The following GRIP1 variants were observed in gnomAD, a reference collection of about 807,000 sequenced individuals.
GRIP1 encodes the protein glutamate receptor interacting protein 1, also known as glutamate receptor-interacting protein 1.
Under a neutral mutation model 129.9 loss-of-function variants are expected in GRIP1, and 45 were observed. The observed-to-expected ratio is 0.35, with a 90% CI of 0.27 to 0.44. GRIP1 has a LOEUF of 0.44. Ranked by LOEUF, GRIP1 falls within the 20% of genes least tolerant of loss-of-function variation. The probability of loss-of-function intolerance (pLI) is 1.00; values close to 1 mark genes in which losing one functional copy is unlikely to be tolerated. For synonymous variants in GRIP1, 530 were observed against 520.8 expected, an observed-to-expected ratio of 1.02 and a Z score of -0.24; for missense variants, 1,196 against 1,396.8, an observed-to-expected ratio of 0.86 and a Z score of 2.29.
chr12:66,413,783 G>C (rs958838654), intron 15 of GRIP1, among the ~76,000 whole-genome samples: 1 of 152,136 alleles, frequency 6.6e-6, no homozygotes, highest in Non-Finnish European at 1.5e-5. Context: ...GGGATGCAAG[G>C]TTGGTTCAAC....
intron 23 of GRIP1, among the ~76,000 whole-genome samples, chr12:66,364,265 C>CAAAAAAAAAAAAAAA (rs1159887365): frequency 1.2e-4 from 2 of 16,344 alleles, no homozygotes; most frequent in East Asian, 2.5e-3. Context: ...GACTCCATCT[C>CAAAAAAAAAAAAAAA]AAAAAAAAAA....
intron 15 of GRIP1, among the ~76,000 whole-genome samples, chr12:66,417,364 TC>T: frequency 6.6e-6 from 1 of 152,268 alleles, no homozygotes; most frequent in Middle Eastern, 3.4e-3. Context: ...TAAAAGCCAT[TC>T]CTCTAAGATC....
intron 15 of GRIP1, among the ~76,000 whole-genome samples, chr12:66,414,387 A>G (rs2137757582): frequency 6.6e-6 from 1 of 152,156 alleles, no homozygotes; most frequent in African/African-American, 2.4e-5. Flanking sequence ...TAGCTAATAA[A>G]GGAAGTGAAG....
Position 66,896,489 on chromosome 12 carries a change from A to AAAAACAAAAAAAAAAAC in GRIP1, c.58+172560_58+172561insGTTTTTTTTTTTGTTTT, listed in dbSNP as rs1555249927. On this transcript the variant is annotated intron_variant, in intron 1 of 1. Transcript: ENST00000643019. ...TACCTCTGAGGAATTTGAAAAAAAA[A>AAAAACAAAAAAAAAAAC]AAAAAAACTTTGGTGGGCCTGAATG... Among the ~76,000 whole-genome samples, 21 of 149,676 alleles carry AAAAACAAAAAAAAAAAC rather than the reference A, an allele frequency of 1.4e-4. 1 individual carries two copies. Among genetic ancestry groups the AAAAACAAAAAAAAAAAC allele is most frequent in the Middle Eastern group, 3.4e-3 (1 of 294 alleles).
At position 66,432,606 on chromosome 12, in the gene GRIP1, T is replaced by A; in HGVS notation, c.1710A>T (p.Gly570=). ...DVAESVIPSS[G]TFHVKLPKKH... ...TCTTAGGCAGCTTTACATGAAATGT[T>A]CCACTACTTGGGATGACAGACTCTA... The change falls in exon 14 of 25, where the codon GGA becomes GGT. Residue 570 remains glycine (G), a synonymous_variant. Coordinates refer to ENST00000359742, the MANE Select transcript of GRIP1 (RefSeq NM_001366722.1). The A allele has an allele frequency of 6.2e-7, 1 of 1,602,080 alleles. No individual in the cohort carries two copies.
chr12:66,401,633 C>T (rs1471834678), intron 16 of GRIP1, among the ~76,000 whole-genome samples: 30 of 147,368 alleles, frequency 2.0e-4, no homozygotes, highest in Admixed American at 3.4e-4. Context: ...CACACACACA[C>T]ACACACACAC....
intron 1 of GRIP1, among the ~76,000 whole-genome samples, chr12:66,700,129 A>G (rs931561693): frequency 1.1e-4 from 16 of 152,268 alleles, no homozygotes; most frequent in African/African-American, 3.8e-4. Flanking sequence ...CCAGAGAAGG[A>G]ACTCCTGGGG....
chr12:67,009,025 G>A (rs566575174), intron 1 of GRIP1, among the ~76,000 whole-genome samples: 1 of 152,224 alleles, frequency 6.6e-6, no homozygotes, highest in East Asian at 1.9e-4. Flanking sequence ...TTTGTTTCAA[G>A]GGCCTAAGCA....
At chr12:67,009,897 C>A (rs534217022) in intron 1 of GRIP1, among the ~76,000 whole-genome samples, 1 of 152,270 alleles carries the variant, frequency 6.6e-6, no homozygotes, top group Non-Finnish European at 1.5e-5. Context: ...CATACACCAG[C>A]ATTTCAACAG....
intron 1 of GRIP1, among the ~76,000 whole-genome samples, chr12:66,878,093 T>C (rs896178403): frequency 2.0e-5 from 3 of 152,006 alleles, no homozygotes; most frequent in Admixed American, 6.6e-5. Flanking sequence ...AAGTCCCTTC[T>C]CACATTCAAA....
intron 1 of GRIP1, among the ~76,000 whole-genome samples, chr12:66,782,331 G>C (rs988985652): frequency 4.6e-5 from 7 of 152,128 alleles, no homozygotes; most frequent in Non-Finnish European, 8.8e-5. Flanking sequence ...AAGCAATTAA[G>C]AGCAGTTAGT....
Position 66,826,416 on chromosome 12 carries a change from T to A in GRIP1, c.59-229489A>T, listed in dbSNP as rs1038585545. On this transcript the variant is annotated intron_variant, in intron 1 of 1. Transcript: ENST00000643019. The stretch of plus-strand genomic sequence containing the variant: ...TGTATATCTATGTTATAAACCTGCA[T>A]GTTCTGCACATGTATCCCAGAACTT... Among the ~76,000 whole-genome samples, 3 of 152,180 alleles carry A rather than the reference T, an allele frequency of 2.0e-5. 1 individual carries two copies. The Middle Eastern group carries it at 0.01, about 521-fold the overall frequency.
In GRIP1 at chr12:66,977,629, T is replaced by C. The variant is rs78584459; in HGVS notation, c.58+91421A>G. ...CAACACCATAGATTAGTTTTGCCCA[T>C]TTTTAAGTTTATATAAATGGGAATC... On this transcript the variant is annotated intron_variant, in intron 1 of 1. Transcript: ENST00000643019. 9.9e-5 allele frequency among the ~76,000 whole-genome samples: 15 copies of C among 152,222 alleles called. No homozygotes were observed. The East Asian group carries it at 2.9e-3, about 29-fold the overall frequency.
upstream of GRIP1, among the ~76,000 whole-genome samples, chr12:66,679,710 C>G (rs2136276083): frequency 1.3e-5 from 2 of 152,278 alleles, no homozygotes; most frequent in Non-Finnish European, 2.9e-5. Flanking sequence ...GAAAGCAACA[C>G]AGTCAAGACT....
At chr12:66,706,011 A>T (rs1045933169) in intron 1 of GRIP1, among the ~76,000 whole-genome samples, 20 of 152,084 alleles carry the variant, frequency 1.3e-4, no homozygotes, top group African/African-American at 4.6e-4. Context: ...ACTTCATGAC[A>T]AAAACACCAA....
intron 5 of GRIP1, among the ~76,000 whole-genome samples, chr12:66,526,722 T>G (rs1294256029): frequency 1.3e-5 from 2 of 150,594 alleles, no homozygotes; most frequent in Non-Finnish European, 1.5e-5. Flanking sequence ...CAAAAGAAAC[T>G]ACCATCAGAG....
chr12:66,793,340 A>G (rs567548091), intron 1 of GRIP1, among the ~76,000 whole-genome samples: 15 of 152,274 alleles, frequency 9.9e-5, no homozygotes, highest in African/African-American at 3.1e-4. Flanking sequence ...AAGCTGAGTC[A>G]AGGTCCCAAC....
At chr12:66,551,527 A>G (rs1334254673) in intron 2 of GRIP1, among the ~76,000 whole-genome samples, 2 of 144,054 alleles carry the variant, frequency 1.4e-5, no homozygotes, top group African/African-American at 5.2e-5. Flanking sequence ...GGAGGAAATC[A>G]TTTATTTTTG....
intron 1 of GRIP1, among the ~76,000 whole-genome samples, chr12:67,045,103 C>T (rs2043233807): frequency 2.0e-5 from 3 of 152,142 alleles, no homozygotes; most frequent in Admixed American, 2.0e-4. Context: ...AGCTAAGCTG[C>T]AGAAAATGTA....
Sources: allele counts gnomAD v4.1 joint callset (sites outside exome capture counted in the v4.1 genomes callset), GRCh38; gene constraint gnomAD v4.1.1; transcripts MANE v1.5; gene names NCBI Gene and HGNC (gene_info 2026-07-23, HGNC 2026-07-21).